Variants in NKAIN3 observed in about 807,000 individuals in gnomAD.
NKAIN3 encodes sodium/potassium-transporting ATPase subunit beta-1-interacting protein 3.
Under a neutral mutation model 30.2 loss-of-function variants are expected in NKAIN3, and 25 were observed. The ratio of observed to expected loss-of-function variants is 0.83; its 90% CI spans 0.60 to 1.16. The LOEUF is 1.16. Among genes scored for constraint, NKAIN3 ranks in the 50% most tolerant of loss-of-function variants. NKAIN3 has a pLI of 0.00. For missense variants in NKAIN3, 225 were observed against 254.1 expected, an observed-to-expected ratio of 0.89 and a Z score of 0.78; for synonymous variants, 91 against 89.6, an observed-to-expected ratio of 1.02 and a Z score of -0.09.
chr8:62,929,401 A>G (rs1822550456), intron 5 of NKAIN3, among the ~76,000 whole-genome samples: 1 of 152,196 alleles, frequency 6.6e-6, no homozygotes, highest in Non-Finnish European at 1.5e-5. Flanking sequence ...TTTGCTCTAT[A>G]TTTGCCTCCT....
chr8:62,599,051 G>A (rs566517927), intron 3 of NKAIN3, among the ~76,000 whole-genome samples: 42 of 152,158 alleles, frequency 2.8e-4, no homozygotes, highest in African/African-American at 9.4e-4. Context: ...CTCAAGAAAA[G>A]AGAGACAACC....
chr8:62,898,028 C>T (rs1330821055), intron 4 of NKAIN3, among the ~76,000 whole-genome samples: 2 of 152,152 alleles, frequency 1.3e-5, no homozygotes, highest in Admixed American at 1.3e-4. Flanking sequence ...AAGACACATG[C>T]ACCTCAAGGT....
At position 62,965,686 on chromosome 8, in the gene NKAIN3, A is replaced by T. The variant is rs1823693277; in HGVS notation, c.*279A>T. On this transcript the variant is annotated 3_prime_UTR_variant, in exon 7 of 7. Coordinates refer to ENST00000623646, the MANE Select transcript of NKAIN3 (RefSeq NM_001304533.3). The stretch of plus-strand genomic sequence containing the variant: ...TTTTTAACAATATTTAATGTGAGGC[A>T]TGCAAAATGAAAAAGCAAATCTGTG... 2 of 981,346 alleles carry T rather than the reference A, an allele frequency of 2.0e-6. No homozygotes were observed. The highest frequency in any genetic ancestry group is 2.4e-6 in the Non-Finnish European group (2 of 826,344). The allele number at this position is 981,346 out of a possible 1,614,324, so 60.8% of individuals were successfully genotyped here. A position where few individuals can be genotyped will look rare whatever the true frequency, so the allele number is the denominator to read the frequency against.
intron 1 of NKAIN3, among the ~76,000 whole-genome samples, chr8:62,466,452 C>T (rs567968346): frequency 7.0e-4 from 107 of 152,118 alleles, no homozygotes; most frequent in African/African-American, 2.5e-3. Context: ...TGAGAAAGGT[C>T]CAAAATAAAT....
At chr8:62,672,261 A>G (rs1297796294) in intron 3 of NKAIN3, among the ~76,000 whole-genome samples, 4 of 152,202 alleles carry the variant, frequency 2.6e-5, no homozygotes, top group Non-Finnish European at 5.9e-5. Context: ...GTGAAGCAAC[A>G]GAAAGAAGTC....
At chr8:62,743,864 T>C (rs528249731) in intron 3 of NKAIN3, among the ~76,000 whole-genome samples, 2 of 152,342 alleles carry the variant, frequency 1.3e-5, no homozygotes, top group Admixed American at 1.3e-4. Flanking sequence ...TGTGTGGCAT[T>C]TCTTCTTCCT....
chr8:62,803,332 C>T (rs1054862774), intron 4 of NKAIN3, among the ~76,000 whole-genome samples: 7 of 152,176 alleles, frequency 4.6e-5, no homozygotes, highest in African/African-American at 1.4e-4. Flanking sequence ...CACCACACCA[C>T]ACCTATTCCA....
chr8:62,335,533 G>A (rs1175655253), intron 1 of NKAIN3, among the ~76,000 whole-genome samples: 1 of 151,544 alleles, frequency 6.6e-6, no homozygotes, highest in African/African-American at 2.4e-5. Context: ...TCAGTTCTAT[G>A]TAGAGATGAG....
intron 3 of NKAIN3, among the ~76,000 whole-genome samples, chr8:62,608,878 G>A (rs539058078): frequency 6.6e-6 from 1 of 152,200 alleles, no homozygotes; most frequent in South Asian, 2.1e-4. Flanking sequence ...GGGGAAAAAT[G>A]TCCAATGATT....
intron 3 of NKAIN3, among the ~76,000 whole-genome samples, chr8:62,652,251 A>G (rs1228811089): frequency 6.6e-6 from 1 of 152,130 alleles, no homozygotes; most frequent in Non-Finnish European, 1.5e-5. Flanking sequence ...TTACTTGGCA[A>G]TTTTTATGGC....
intron 1 of NKAIN3, among the ~76,000 whole-genome samples, chr8:62,288,333 C>A (rs1813449633): frequency 6.6e-6 from 1 of 152,068 alleles, no homozygotes; most frequent in African/African-American, 2.4e-5. Context: ...TGTTGGTGTC[C>A]TGCACCCGTT....
chr8:62,595,536 C>T (rs767127272), intron 3 of NKAIN3, among the ~76,000 whole-genome samples: 77 of 152,050 alleles, frequency 5.1e-4, no homozygotes, highest in Non-Finnish European at 9.7e-4. Flanking sequence ...TCCCACTGTG[C>T]TCTCAGGCAA....
chr8:62,568,566 C>G (rs1158386746), intron 1 of NKAIN3, among the ~76,000 whole-genome samples: 1 of 152,158 alleles, frequency 6.6e-6, no homozygotes, highest in Non-Finnish European at 1.5e-5. Context: ...TTCACATGCA[C>G]TTTTTCAGTT....
At chr8:62,491,131 A>G (rs7819322) in intron 1 of NKAIN3, among the ~76,000 whole-genome samples, 132,460 of 152,172 alleles carry the variant, frequency 0.87, 57,732 homozygotes, top group Middle Eastern at 0.91. Context: ...AATAGTAAAT[A>G]CCCAGAAAAA....
chr8:62,362,091 T>A (rs1816583365), intron 1 of NKAIN3, among the ~76,000 whole-genome samples: 1 of 152,180 alleles, frequency 6.6e-6, no homozygotes, highest in African/African-American at 2.4e-5. Context: ...ATGTTAAGAC[T>A]CTCTTTAGCA....
At chr8:62,297,111 C>T (rs920731729) in intron 1 of NKAIN3, among the ~76,000 whole-genome samples, 16 of 152,170 alleles carry the variant, frequency 1.1e-4, no homozygotes, top group Non-Finnish European at 1.8e-4. Flanking sequence ...TTATTCTTCA[C>T]GTGTCAGCCA....
Position 62,975,213 on chromosome 8 carries a change from T to C in NKAIN3, c.*9806T>C, listed in dbSNP as rs985707879. On this transcript the variant is annotated 3_prime_UTR_variant, in exon 7 of 7. Coordinates refer to ENST00000623646, the MANE Select transcript of NKAIN3 (RefSeq NM_001304533.3). ...GGAGGAGTCTGTCTTTTCTACTGTTTGGAATAGTTTCAGAAGGAATGGTAC... is the reference window on the plus strand; with the variant it reads ...GGAGGAGTCTGTCTTTTCTACTGTTCGGAATAGTTTCAGAAGGAATGGTAC... 6.6e-6 allele frequency among the ~76,000 whole-genome samples: 1 copy of C among 152,182 alleles called. No individual in the cohort carries two copies. The highest frequency in any genetic ancestry group is 1.5e-5 in the Non-Finnish European group (1 of 68,040).
intron 1 of NKAIN3, among the ~76,000 whole-genome samples, chr8:62,416,002 T>C (rs995113381): frequency 1.3e-4 from 20 of 152,066 alleles, no homozygotes; most frequent in African/African-American, 4.8e-4. Flanking sequence ...GTGATCCTCC[T>C]GCCTCAGCCT....
At chr8:62,440,703 T>C (rs1291153452) in intron 1 of NKAIN3, among the ~76,000 whole-genome samples, 1 of 51,998 alleles carries the variant, frequency 1.9e-5, no homozygotes, top group Non-Finnish European at 6.9e-5. Flanking sequence ...TTCTTCTTTA[T>C]TTTTTTTTTT....
Sources: gnomAD v4.1 joint callset for allele counts (sites outside exome capture counted in the v4.1 genomes callset) on GRCh38, gnomAD v4.1.1 for gene constraint, MANE v1.5 for transcripts, NCBI Gene and HGNC (gene_info 2026-07-23, HGNC 2026-07-21) for gene names.